Variants in PRH1 observed in about 807,000 individuals in gnomAD.
The protein encoded by PRH1 is proline rich protein HaeIII subfamily 1.
A neutral mutation model predicts 7.9 loss-of-function variants in PRH1; 7 were observed. The observed-to-expected ratio is 0.89, with a 90% CI of 0.50 to 1.67. The LOEUF is 1.67. PRH1 is among the 40% of genes most tolerant of loss of function. The pLI is 0.00. For synonymous variants in PRH1, 45 were observed against 80.8 expected (o/e 0.56, Z 2.38); for missense variants, 109 against 223.6 (o/e 0.49, Z 3.27).
chr12:10,994,417 C>A (rs912169879), intron 1 of PRH1, among the ~76,000 whole-genome samples: 1 of 152,206 alleles, frequency 6.6e-6, no homozygotes, highest in Non-Finnish European at 1.5e-5. Flanking sequence ...GTTGTCCTCT[C>A]GCAGCCCTTC....
chr12:10,992,008 T>A (rs1197926798), intron 1 of PRH1, among the ~76,000 whole-genome samples: 1 of 152,148 alleles, frequency 6.6e-6, no homozygotes, highest in Non-Finnish European at 1.5e-5. Context: ...GCCTCATACT[T>A]TGCTAAATAA....
At chr12:10,928,113 C>A (rs1371410422) in intron 2 of PRH1, among the ~76,000 whole-genome samples, 1 of 151,948 alleles carries the variant, frequency 6.6e-6, no homozygotes, top group Non-Finnish European at 1.5e-5. Flanking sequence ...AAGAAAATTA[C>A]AAACGACAAG....
chr12:11,091,722 T>G (rs200838689), intron 1 of PRH1: 55,051 of 1,080,222 alleles, frequency 0.051, 23,796 homozygotes, highest in Admixed American at 0.085. Flanking sequence ...TACATTGCAC[T>G]CTTCAATTTG....
At chr12:10,937,239 T>C (rs1431541183) in intron 2 of PRH1, among the ~76,000 whole-genome samples, 1 of 151,854 alleles carries the variant, frequency 6.6e-6, no homozygotes, top group Non-Finnish European at 1.5e-5. Flanking sequence ...TCTCTGTGTG[T>C]GTGTGTGCGT....
At chr12:11,113,618 G>T (rs1408927251) in intron 1 of PRH1, among the ~76,000 whole-genome samples, 1 of 152,160 alleles carries the variant, frequency 6.6e-6, no homozygotes, top group African/African-American at 2.4e-5. Flanking sequence ...AACCCTAGAA[G>T]AAAACCTAGG....
At chr12:11,001,167 G>C (rs10772411) in intron 1 of PRH1, among the ~76,000 whole-genome samples, 2,377 of 151,314 alleles carry the variant, frequency 0.016, 20 homozygotes, top group South Asian at 0.031. Context: ...TTTTTTTAGG[G>C]GGGGATAGCA....
intron 1 of PRH1, among the ~76,000 whole-genome samples, chr12:11,103,363 A>G (rs1945313209): frequency 6.6e-6 from 1 of 152,208 alleles, no homozygotes; most frequent in African/African-American, 2.4e-5. Context: ...GCAGCCATAA[A>G]AAATGATGAG....
intron 1 of PRH1, 68 bp downstream of exon 1, chr12:10,884,086 T>C: frequency 1.3e-6 from 2 of 1,592,448 alleles, no homozygotes; most frequent in East Asian, 4.5e-5. Flanking sequence ...CCCTCCACTT[T>C]CCTCCTCTAT....
intron 2 of PRH1, among the ~76,000 whole-genome samples, chr12:10,936,493 C>T (rs1950290455): frequency 6.6e-6 from 1 of 151,968 alleles, no homozygotes; most frequent in Non-Finnish European, 1.5e-5. Context: ...CATGTGAAAC[C>T]ATCACTATAA....
At chr12:11,022,744 C>T in intron 1 of PRH1, 1 of 581,170 alleles carries the variant, frequency 1.7e-6, no homozygotes. Flanking sequence ...TAGATGAATT[C>T]AAAACTGTCT....
intron 1 of PRH1, among the ~76,000 whole-genome samples, chr12:10,975,068 C>G (rs534600112): frequency 6.6e-6 from 1 of 152,236 alleles, no homozygotes; most frequent in East Asian, 1.9e-4. Context: ...CCAAACTGAT[C>G]TGACTGAACT....
At chr12:11,156,019 TAC>T (rs1231321104) in intron 1 of PRH1, among the ~76,000 whole-genome samples, 2 of 152,238 alleles carry the variant, frequency 1.3e-5, no homozygotes, top group African/African-American at 4.8e-5. Context: ...TATTGTTCTA[TAC>T]AGTCAATAGT....
At chr12:11,001,625 C>T (rs1319604985) in intron 1 of PRH1, among the ~76,000 whole-genome samples, 1 of 152,052 alleles carries the variant, frequency 6.6e-6, no homozygotes, top group Non-Finnish European at 1.5e-5. Context: ...TTAATTTCTG[C>T]CATCAGGTTA....
chr12:10,956,637 C>T (rs1014053702), intron 2 of PRH1, among the ~76,000 whole-genome samples: 9 of 152,040 alleles, frequency 5.9e-5, no homozygotes, highest in African/African-American at 9.7e-5. Flanking sequence ...TATCCCTGTT[C>T]GCAGATAATG....
intron 2 of PRH1, among the ~76,000 whole-genome samples, chr12:10,941,740 T>C (rs1950404856): frequency 6.6e-6 from 1 of 152,096 alleles, no homozygotes; most frequent in Non-Finnish European, 1.5e-5. Context: ...GATTTCTTCT[T>C]GGTTTGGATC....
chr12:11,107,937 A>G (rs1435952322), intron 1 of PRH1, among the ~76,000 whole-genome samples: 2 of 152,240 alleles, frequency 1.3e-5, no homozygotes, highest in East Asian at 3.8e-4. Flanking sequence ...TGTACAATGG[A>G]GCTCCACTAC....
At chr12:11,142,162 T>A (rs1019186914) in intron 1 of PRH1, among the ~76,000 whole-genome samples, 18 of 152,106 alleles carry the variant, frequency 1.2e-4, no homozygotes, top group African/African-American at 4.1e-4. Flanking sequence ...ACAACTAGGA[T>A]AAAAGAAACA....
intron 1 of PRH1, among the ~76,000 whole-genome samples, chr12:11,059,672 A>T (rs2136175105): frequency 6.6e-6 from 1 of 151,820 alleles, no homozygotes; most frequent in South Asian, 2.1e-4. Flanking sequence ...CAGTTGCATC[A>T]AGACTATATT....
intron 1 of PRH1, chr12:10,997,878 C>A: frequency 6.4e-7 from 1 of 1,565,340 alleles, no homozygotes; most frequent in Non-Finnish European, 8.6e-7. Flanking sequence ...CTCATCATGT[C>A]TAAACAAAAA....
Sources: allele counts gnomAD v4.1 joint callset (sites outside exome capture counted in the v4.1 genomes callset), GRCh38; gene constraint gnomAD v4.1.1; transcripts MANE v1.5; gene names NCBI Gene and HGNC (gene_info 2026-07-23, HGNC 2026-07-21).